The following SLC35F3 variants were observed in gnomAD, a reference collection of about 807,000 sequenced individuals.
SLC35F3 encodes putative thiamine transporter SLC35F3.
A neutral mutation model predicts 49.9 loss-of-function variants in SLC35F3; 25 were observed. That is an observed-to-expected ratio of 0.50 (90% CI 0.37 to 0.70). The LOEUF (loss-of-function observed/expected upper bound fraction) is 0.70, where lower values mean the gene tolerates loss of function less well. Ranked by LOEUF, SLC35F3 falls within the 30% of genes least tolerant of loss-of-function variation. The pLI is 0.00. For missense variants in SLC35F3, 525 were observed against 639.8 expected, an observed-to-expected ratio of 0.82 and a Z score of 1.94; for synonymous variants, 275 against 265.4, an observed-to-expected ratio of 1.04 and a Z score of -0.35.
intron 2 of SLC35F3, among the ~76,000 whole-genome samples, chr1:233,929,123 GCA>G (rs1285386775): frequency 8.6e-6 from 1 of 115,920 alleles, no homozygotes; most frequent in Admixed American, 1.1e-4. Flanking sequence ...ATGGCAATCT[GCA>G]AATATAGTGA....
At chr1:234,049,752 A>G (rs1020304639) in intron 2 of SLC35F3, among the ~76,000 whole-genome samples, 1 of 152,046 alleles carries the variant, frequency 6.6e-6, no homozygotes, top group Non-Finnish European at 1.5e-5. Context: ...CTCGTCATTT[A>G]CATTAGGTGT....
chr1:234,272,877 C>T (rs147678797), intron 3 of SLC35F3, among the ~76,000 whole-genome samples: 5 of 150,676 alleles, frequency 3.3e-5, no homozygotes, highest in African/African-American at 7.2e-5. Context: ...ACAGCAGGCT[C>T]GCTGCCCCTG....
intron 3 of SLC35F3, among the ~76,000 whole-genome samples, chr1:234,248,033 T>A (rs1257319225): frequency 2.0e-5 from 3 of 152,180 alleles, no homozygotes; most frequent in Non-Finnish European, 2.9e-5. Flanking sequence ...GCTGGTCCAT[T>A]GTTTGGTAGG....
intron 3 of SLC35F3, 71 bp from the exon 4 acceptor site, chr1:234,309,030 T>G: frequency 9.1e-7 from 1 of 1,096,876 alleles, no homozygotes; most frequent in Non-Finnish European, 1.3e-6. Context: ...AAAAAAAAAC[T>G]TGCTATAGGA....
At chr1:234,305,889 C>T (rs1005071378) in intron 3 of SLC35F3, among the ~76,000 whole-genome samples, 1 of 152,130 alleles carries the variant, frequency 6.6e-6, no homozygotes, top group Admixed American at 6.5e-5. Context: ...TCCATAGGAA[C>T]AGAAGGACTT....
At chr1:234,097,038 C>A (rs1313553626) in intron 2 of SLC35F3, among the ~76,000 whole-genome samples, 3 of 151,958 alleles carry the variant, frequency 2.0e-5, no homozygotes, top group Non-Finnish European at 4.4e-5. Context: ...TATGAGCATG[C>A]GCCACCAGGC....
chr1:234,209,061 A>ATT (rs1371646261), intron 2 of SLC35F3, among the ~76,000 whole-genome samples: 1 of 152,186 alleles, frequency 6.6e-6, no homozygotes, highest in Admixed American at 6.5e-5. Context: ...TGTAATACTA[A>ATT]AGTCAAGACA....
intron 3 of SLC35F3, among the ~76,000 whole-genome samples, chr1:234,296,752 G>A (rs1230763956): frequency 2.0e-5 from 3 of 152,208 alleles, no homozygotes; most frequent in Non-Finnish European, 4.4e-5. Flanking sequence ...GGTCCCCAAA[G>A]AACAGATTCC....
chr1:234,024,786 T>C, intron 2 of SLC35F3, among the ~76,000 whole-genome samples: 1 of 152,216 alleles, frequency 6.6e-6, no homozygotes, highest in East Asian at 1.9e-4. Context: ...CACCTCTCAA[T>C]ACTGCCACAT....
chr1:234,270,190 A>G (rs1479219965), intron 3 of SLC35F3, among the ~76,000 whole-genome samples: 2 of 152,116 alleles, frequency 1.3e-5, no homozygotes, highest in Admixed American at 6.5e-5. Flanking sequence ...TCATTCCTAC[A>G]TGTGGATTTT....
intron 3 of SLC35F3, among the ~76,000 whole-genome samples, chr1:234,257,152 A>G (rs1667832437): frequency 6.6e-6 from 1 of 152,254 alleles, no homozygotes; most frequent in Admixed American, 6.5e-5. Context: ...TGACCAAACT[A>G]TAATAGTGCA....
chr1:234,186,112 A>G (rs897248210), intron 2 of SLC35F3, among the ~76,000 whole-genome samples: 9 of 152,202 alleles, frequency 5.9e-5, no homozygotes, highest in Non-Finnish European at 8.8e-5. Flanking sequence ...GCTGCAGCGA[A>G]TGTTCTTACC....
intron 3 of SLC35F3, among the ~76,000 whole-genome samples, chr1:234,239,313 G>A (rs1040941697): frequency 6.6e-6 from 1 of 152,198 alleles, no homozygotes; most frequent in Non-Finnish European, 1.5e-5. Context: ...AGTCACAAGT[G>A]TGTACGGATT....
intron 2 of SLC35F3, among the ~76,000 whole-genome samples, chr1:234,063,519 T>A (rs1402816881): frequency 1.3e-5 from 2 of 152,148 alleles, no homozygotes; most frequent in African/African-American, 4.8e-5. Context: ...CCTTCAGACC[T>A]CCAATAAGCT....
At position 234,099,539 on chromosome 1, in the gene SLC35F3, G is replaced by A. The variant is rs942726907; in HGVS notation, c.284-131878G>A. ...GCAGAAGAATCGCTTGAACCCTGGA[G>A]GTGGACGTTGCAGTGAGCTGAGATC... On this transcript the variant is annotated intron_variant, in intron 2 of 7. Coordinates refer to ENST00000366618, the MANE Select transcript of SLC35F3 (RefSeq NM_173508.4). Among the ~76,000 whole-genome samples, 4 of 151,514 alleles carry A rather than the reference G, an allele frequency of 2.6e-5. No individual in the cohort carries two copies. In the South Asian group the frequency reaches 8.4e-4, roughly 32 times the overall value.
chr1:234,142,710 G>A (rs1023139673), intron 2 of SLC35F3, among the ~76,000 whole-genome samples: 2 of 152,030 alleles, frequency 1.3e-5, no homozygotes, highest in Admixed American at 6.5e-5. Context: ...TATGGTTGGA[G>A]GTCTTACAAA....
chr1:234,131,900 A>T (rs1665742305), intron 2 of SLC35F3, among the ~76,000 whole-genome samples: 1 of 152,184 alleles, frequency 6.6e-6, no homozygotes, highest in African/African-American at 2.4e-5. Flanking sequence ...ATAATAAGCG[A>T]TAATAATAAG....
intron 2 of SLC35F3, among the ~76,000 whole-genome samples, chr1:234,033,799 G>A (rs931410410): frequency 8.5e-5 from 13 of 152,088 alleles, no homozygotes; most frequent in Admixed American, 5.9e-4. Context: ...TGATGCCTCC[G>A]AAATTGTTCT....
chr1:234,188,524 C>T (rs1462677344), intron 2 of SLC35F3, among the ~76,000 whole-genome samples: 1 of 152,170 alleles, frequency 6.6e-6, no homozygotes, highest in African/African-American at 2.4e-5. Flanking sequence ...ACCCCCATTC[C>T]CCACAGCAGC....
Sources: allele counts gnomAD v4.1 joint callset (sites outside exome capture counted in the v4.1 genomes callset), GRCh38; gene constraint gnomAD v4.1.1; transcripts MANE v1.5; gene names NCBI Gene and HGNC (gene_info 2026-07-23, HGNC 2026-07-21).